PRKAA1: variants seen among roughly 807,000 people sequenced by gnomAD.
PRKAA1 encodes 5'-AMP-activated protein kinase catalytic subunit alpha-1.
In PRKAA1, 23 loss-of-function variants were observed where a neutral mutation model predicts 56.9. That is an observed-to-expected ratio of 0.40 (90% CI 0.29 to 0.57). The LOEUF is 0.57. PRKAA1 is among the 20% of genes least tolerant of loss of function. The pLI is 0.39. For missense variants in PRKAA1, 413 were observed against 679.7 expected (o/e 0.61, Z 4.36); for synonymous variants, 226 against 227.0 (o/e 1.00, Z 0.04).
In PRKAA1 at chr5:40,777,598, G is replaced by A; in HGVS notation, c.128-12C>T. ...TTCATGTTTGCCAACTGTAAAAGAA[G>A]TAATTTAATAAATTAGTACTAAGTA... is the stretch of plus-strand genomic sequence containing the variant. On this transcript the variant is annotated splice_polypyrimidine_tract_variant and intron_variant, in intron 1 of 8. Coordinates refer to ENST00000397128, the MANE Select transcript of PRKAA1 (RefSeq NM_006251.6). 6.3e-7 allele frequency: 1 copy of A among 1,591,508 alleles called. No individual in the cohort carries two copies. The highest frequency in any genetic ancestry group is 8.6e-7 in the Non-Finnish European group (1 of 1,164,314).
intron 1 of PRKAA1, among the ~76,000 whole-genome samples, chr5:40,788,402 A>T (rs1287617048): frequency 6.6e-6 from 1 of 152,230 alleles, no homozygotes; most frequent in Non-Finnish European, 1.5e-5. Flanking sequence ...TGAAATTACA[A>T]ATCTACTAGA....
At chr5:40,773,996 C>A (rs888462732) in intron 3 of PRKAA1, among the ~76,000 whole-genome samples, 1 of 152,090 alleles carries the variant, frequency 6.6e-6, no homozygotes, top group South Asian at 2.1e-4. Context: ...TAAGCTAAGG[C>A]CTTTAAGGAA....
At chr5:40,785,837 C>CAGAGAGAGAGAG (rs70988809) in intron 1 of PRKAA1, among the ~76,000 whole-genome samples, 148 of 52,390 alleles carry the variant, frequency 2.8e-3, no homozygotes, top group African/African-American at 6.6e-3. Context: ...CACACACACA[C>CAGAGAGAGAGAG]ACAGAGAGAG....
chr5:40,762,889 T>C lies in PRKAA1; in HGVS notation c.1569A>G (p.Ser523=), dbSNP rs369112379. 1 of 1,614,216 alleles carries C rather than the reference T, an allele frequency of 6.2e-7. No homozygotes were observed. Among genetic ancestry groups the C allele is most frequent in the Non-Finnish European group, 8.5e-7 (1 of 1,180,046 alleles). ...QGKSSEVSLT[S]SVTSLDSSPV... Reference sequence around the variant, plus strand: ...GAGAAGAGTCAAGTGAGGTCACAGATGAGGTAAGAGAAACTTCTGAGGATT... The same window carrying C: ...GAGAAGAGTCAAGTGAGGTCACAGACGAGGTAAGAGAAACTTCTGAGGATT... The change falls in exon 9 of 9, where the codon TCA becomes TCG. Residue 523 remains serine, a synonymous_variant. Coordinates refer to ENST00000397128, the MANE Select transcript of PRKAA1 (RefSeq NM_006251.6).
At chr5:40,769,548 A>T in intron 4 of PRKAA1, 45 bp from the exon 5 acceptor site, 1 of 1,404,598 alleles carries the variant, frequency 7.1e-7, no homozygotes, top group East Asian at 2.3e-5. Context: ...TCCCAAAGAC[A>T]AAAATTAAAA....
rs190441078 is a variant in PRKAA1, at chr5:40,781,417, A to C, written c.128-3831T>G. ...AAGAAACCCAAGAAAGATGGCATGG[A>C]ATCCAGCAAAGAAGGGATCCAATAT... On this transcript the variant is annotated intron_variant, in intron 1 of 8. Transcript: ENST00000397128. Among the ~76,000 whole-genome samples, 425 of 152,292 alleles carry C rather than the reference A, an allele frequency of 2.8e-3. 2 individuals carry two copies. The highest frequency in any genetic ancestry group is 0.027 in the Middle Eastern group (8 of 294).
intron 1 of PRKAA1, among the ~76,000 whole-genome samples, chr5:40,788,830 AAAAC>A (rs375475260): frequency 2.0e-5 from 3 of 151,720 alleles, no homozygotes; most frequent in Non-Finnish European, 2.9e-5. Context: ...GCATCTCAAA[AAAAC>A]AAACAAACAA....
chr5:40,796,789 G>C (rs1321893057), intron 1 of PRKAA1, among the ~76,000 whole-genome samples: 1 of 152,128 alleles, frequency 6.6e-6, no homozygotes, highest in African/African-American at 2.4e-5. Flanking sequence ...TTTAGCTCTG[G>C]AAGAGTAAGG....
chr5:40,767,320 A>C, intron 6 of PRKAA1, 146 bp downstream of exon 6: 1 of 618,762 alleles, frequency 1.6e-6, no homozygotes, highest in Non-Finnish European at 2.6e-6. Context: ...TCTAATAACA[A>C]AATAAAATAA....
rs34749478 is a variant in PRKAA1 at position 40,786,786 on chromosome 5, C to CAAAAAAAAAAAAAA, written c.128-9214_128-9201dup. 9.2e-5 allele frequency among the ~76,000 whole-genome samples: 4 copies of CAAAAAAAAAAAAAA among 43,510 alleles called. 1 individual carries two copies. Among genetic ancestry groups the CAAAAAAAAAAAAAA allele is most frequent in the African/African-American group, 3.6e-4 (4 of 11,040 alleles). 28.5% of individuals were successfully genotyped at this position (43,510 alleles called of 152,430 possible). On this transcript the variant is annotated intron_variant, in intron 1 of 8. Transcript: ENST00000397128. ...TGAAACCCTGTCTCTACTAAAAATA[C>CAAAAAAAAAAAAAA]AAAAAAAAAAAAAAAAAAAAAAAAA...
chr5:40,764,282 C>T (rs935373114), intron 8 of PRKAA1: 38 of 376,370 alleles, frequency 1.0e-4, no homozygotes, highest in African/African-American at 7.6e-4. Flanking sequence ...CAGACTACAC[C>T]TGGCTTTAAG....
chr5:40,796,512 T>C (rs1356750669), intron 1 of PRKAA1, among the ~76,000 whole-genome samples: 1 of 152,076 alleles, frequency 6.6e-6, no homozygotes, highest in African/African-American at 2.4e-5. Flanking sequence ...AGAAATATCA[T>C]AGCCAAAGAT....
rs201703990 is a variant in PRKAA1 at position 40,774,942 on chromosome 5, C to A, written c.363+468G>T. 1.4e-4 allele frequency: 223 copies of A among 1,603,902 alleles called. 1 individual carries two copies. The highest frequency in any genetic ancestry group is 3.3e-4 in the Middle Eastern group (2 of 6,036). Reference sequence around the variant, plus strand: ...CTAATTCCTACCTCCTTCGTGGAGCCTGTTTTTACTACTCCAGGTACATCA... The same window carrying A: ...CTAATTCCTACCTCCTTCGTGGAGCATGTTTTTACTACTCCAGGTACATCA... On this transcript the variant is annotated intron_variant, in intron 3 of 8. Transcript: ENST00000397128.
In PRKAA1 at chr5:40,759,745, G is replaced by C. The variant is rs1282600246; in HGVS notation, c.*3033C>G. The C allele has an allele frequency of 1.3e-5, 2 of 152,264 alleles. No individual in the cohort carries two copies. Among genetic ancestry groups the C allele is most frequent in the Non-Finnish European group, 2.9e-5 (2 of 68,020 alleles). 9.4% of individuals were successfully genotyped at this position (152,264 alleles called of 1,614,324 possible). On this transcript the variant is annotated 3_prime_UTR_variant, in exon 9 of 9. Transcript: ENST00000397128. ...AATGGTGTCACTACAACATCAAAAA[G>C]AGCAGTGCTAGGCAGAGGATTTTGT... is the stretch of plus-strand genomic sequence containing the variant.
At chr5:40,778,750 G>C (rs1579737918) in intron 1 of PRKAA1, among the ~76,000 whole-genome samples, 1 of 119,170 alleles carries the variant, frequency 8.4e-6, no homozygotes, top group Non-Finnish European at 1.9e-5. Flanking sequence ...TGGTTTCTCT[G>C]TGTTTTAAAT....
At chr5:40,793,107 C>T (rs914277224) in intron 1 of PRKAA1, among the ~76,000 whole-genome samples, 3 of 151,818 alleles carry the variant, frequency 2.0e-5, no homozygotes, top group African/African-American at 7.3e-5. Flanking sequence ...AAATACTTGC[C>T]AACTTAATAG....
At chr5:40,783,178 GA>G (rs1443496477) in intron 1 of PRKAA1, among the ~76,000 whole-genome samples, 3 of 151,784 alleles carry the variant, frequency 2.0e-5, no homozygotes, top group Non-Finnish European at 2.9e-5. Context: ...AAAAGTTGAT[GA>G]AAAAAATGTG....
intron 1 of PRKAA1, among the ~76,000 whole-genome samples, chr5:40,781,432 G>A (rs1472975139): frequency 6.6e-6 from 1 of 152,032 alleles, no homozygotes; most frequent in Admixed American, 6.5e-5. Flanking sequence ...AGCAAAGAAG[G>A]GATCCAATAT....
In PRKAA1 at chr5:40,798,151, G is replaced by C. The variant is rs749099408; in HGVS notation, c.39C>G (p.Ala13=). 1 of 1,601,592 alleles carries C rather than the reference G, an allele frequency of 6.2e-7. No homozygotes were observed. The highest frequency in any genetic ancestry group is 8.5e-7 in the Non-Finnish European group (1 of 1,173,452). Residue 13 remains alanine, a synonymous_variant, in exon 1 of 9, where the codon GCC becomes GCG. Coordinates refer to ENST00000397128, the MANE Select transcript of PRKAA1 (RefSeq NM_006251.6). ...CCCGCCCGTCGTGTTTCTGCTTCTCGGCTGTCGCCATCTTTCTCCAGGAAC... is the reference window on the plus strand; with the variant it reads ...CCCGCCCGTCGTGTTTCTGCTTCTCCGCTGTCGCCATCTTTCTCCAGGAAC... ...RLSSWRKMAT[A]EKQKHDGRVK...
Sources: gnomAD v4.1 joint callset for allele counts (sites outside exome capture counted in the v4.1 genomes callset) on GRCh38, gnomAD v4.1.1 for gene constraint, MANE v1.5 for transcripts, NCBI Gene and HGNC (gene_info 2026-07-23, HGNC 2026-07-21) for gene names.